The following NKAIN3 variants were observed in gnomAD, a reference collection of about 807,000 sequenced individuals.
The protein encoded by NKAIN3 is sodium/potassium-transporting ATPase subunit beta-1-interacting protein 3.
NKAIN3 carries 25 observed loss-of-function variants against 30.2 expected under a neutral mutation model. The ratio of observed to expected loss-of-function variants is 0.83; its 90% CI spans 0.60 to 1.16. The LOEUF is 1.16. Ranked by LOEUF, NKAIN3 falls within the 50% of genes most tolerant of loss-of-function variation. The pLI, the probability that NKAIN3 is intolerant of heterozygous loss-of-function variation, is 0.00. For missense variants in NKAIN3, 225 were observed against 254.1 expected, an observed-to-expected ratio of 0.89 and a Z score of 0.78; for synonymous variants, 91 against 89.6, an observed-to-expected ratio of 1.02 and a Z score of -0.09.
At chr8:62,542,640 T>C (rs146364195) in intron 1 of NKAIN3, among the ~76,000 whole-genome samples, 1 of 152,102 alleles carries the variant, frequency 6.6e-6, no homozygotes, top group East Asian at 1.9e-4. Flanking sequence ...AAAAAAAAAG[T>C]GACTAATTTG....
intron 4 of NKAIN3, among the ~76,000 whole-genome samples, chr8:62,845,965 T>C (rs1394246944): frequency 2.0e-5 from 3 of 152,180 alleles, no homozygotes; most frequent in East Asian, 1.9e-4. Flanking sequence ...TACACAGAAC[T>C]AACCAGAGAC....
rs1174130426 is a variant in NKAIN3, at chr8:62,870,658, G to GAT, written c.472-47787_472-47786dup. ...TATTTTATATATATATCTATATCTA[G>GAT]ATATATATAGATATCTATATATCTA... On this transcript the variant is annotated intron_variant, in intron 4 of 6. Transcript: ENST00000623646. Among the ~76,000 whole-genome samples, 7 of 92,730 alleles carry GAT rather than the reference G, an allele frequency of 7.5e-5. No individual in the cohort carries two copies. The South Asian group carries it at 1.7e-3, about 23-fold the overall frequency. The allele number at this position is 92,730 out of a possible 152,430, so 60.8% of individuals were successfully genotyped here. A position where few individuals can be genotyped will look rare whatever the true frequency, so the allele number is the denominator to read the frequency against.
chr8:62,380,336 C>A (rs190952135), intron 1 of NKAIN3, among the ~76,000 whole-genome samples: 141 of 152,296 alleles, frequency 9.3e-4, no homozygotes, highest in African/African-American at 3.1e-3. Context: ...TGCTATAAGT[C>A]TAGTTGTCTC....
chr8:62,813,316 T>G (rs1008479784), intron 4 of NKAIN3, among the ~76,000 whole-genome samples: 1 of 151,086 alleles, frequency 6.6e-6, no homozygotes, highest in African/African-American at 2.4e-5. Flanking sequence ...CAGGATTGTT[T>G]TAGCTGTTCA....
At chr8:62,307,383 T>A (rs114848953) in intron 1 of NKAIN3, among the ~76,000 whole-genome samples, 3,207 of 149,980 alleles carry the variant, frequency 0.021, 377 homozygotes, top group African/African-American at 0.075. Flanking sequence ...TCTCCTTCTC[T>A]TTATCCCCTC....
chr8:62,422,418 A>G (rs1211569373), intron 1 of NKAIN3, among the ~76,000 whole-genome samples: 1 of 152,162 alleles, frequency 6.6e-6, no homozygotes, highest in Non-Finnish European at 1.5e-5. Context: ...TGCCATGTAA[A>G]TAGTCTCTAA....
intron 1 of NKAIN3, among the ~76,000 whole-genome samples, chr8:62,462,922 G>C (rs1806041025): frequency 6.6e-6 from 1 of 152,114 alleles, no homozygotes; most frequent in Admixed American, 6.5e-5. Flanking sequence ...TTCATAGAAT[G>C]AGTGAACTTC....
chr8:62,742,187 G>T (rs1815925399), intron 3 of NKAIN3, among the ~76,000 whole-genome samples: 2 of 151,856 alleles, frequency 1.3e-5, no homozygotes, highest in South Asian at 4.2e-4. Context: ...TAAATAGGTG[G>T]CTTAGAATTC....
At chr8:62,372,534 G>T (rs1056365944) in intron 1 of NKAIN3, among the ~76,000 whole-genome samples, 1 of 151,828 alleles carries the variant, frequency 6.6e-6, no homozygotes, top group Non-Finnish European at 1.5e-5. Flanking sequence ...GTGGAGATTC[G>T]CATCATATAT....
At chr8:62,434,941 G>A (rs1490566799) in intron 1 of NKAIN3, among the ~76,000 whole-genome samples, 1 of 152,020 alleles carries the variant, frequency 6.6e-6, no homozygotes, top group South Asian at 2.1e-4. Context: ...AGAGCTTTGA[G>A]GCACATCAAT....
intron 1 of NKAIN3, among the ~76,000 whole-genome samples, chr8:62,345,484 TATATATACACACATATATAC>T (rs1815940265): frequency 3.6e-5 from 1 of 27,812 alleles, no homozygotes; most frequent in African/African-American, 1.1e-4. Context: ...CACATATATG[TATATATACACACATATATAC>T]ACATATATAC....
chr8:62,815,144 C>A (rs1355399790), intron 4 of NKAIN3, among the ~76,000 whole-genome samples: 3 of 152,068 alleles, frequency 2.0e-5, no homozygotes, highest in African/African-American at 7.2e-5. Context: ...TTCCTTGACA[C>A]ATACACCCTC....
At position 62,971,006 on chromosome 8, in the gene NKAIN3, G is replaced by A. The variant is rs898293047; in HGVS notation, c.*5599G>A. On this transcript the variant is annotated 3_prime_UTR_variant, in exon 7 of 7. Coordinates refer to ENST00000623646, the MANE Select transcript of NKAIN3 (RefSeq NM_001304533.3). ...AGAGGTCTATTTCTCTTTTTATTTC[G>A]AAATTCTGGAGACAGTCAGCAAAGA... Among the ~76,000 whole-genome samples, 5 of 152,074 alleles carry A rather than the reference G, an allele frequency of 3.3e-5. No homozygotes were observed. The highest frequency in any genetic ancestry group is 7.2e-5 in the African/African-American group (3 of 41,402).
At chr8:62,412,146 C>T (rs1310421641) in intron 1 of NKAIN3, among the ~76,000 whole-genome samples, 1 of 152,178 alleles carries the variant, frequency 6.6e-6, no homozygotes, top group Non-Finnish European at 1.5e-5. Context: ...CCAAAGGCAT[C>T]ACACTAACCA....
intron 2 of NKAIN3, among the ~76,000 whole-genome samples, chr8:62,581,655 A>T (rs1430535957): frequency 6.6e-6 from 1 of 152,140 alleles, no homozygotes. Flanking sequence ...AAGATCTAAG[A>T]ATATTCTTGC....
intron 4 of NKAIN3, among the ~76,000 whole-genome samples, chr8:62,882,071 C>A (rs1820999500): frequency 6.6e-6 from 1 of 152,056 alleles, no homozygotes; most frequent in South Asian, 2.1e-4. Flanking sequence ...GTATTCAGAT[C>A]TTTGGGCCAT....
chr8:62,733,361 A>G (rs1177296575), intron 3 of NKAIN3, among the ~76,000 whole-genome samples: 1 of 152,120 alleles, frequency 6.6e-6, no homozygotes. Flanking sequence ...TTGGTGGTAA[A>G]TAGTCTAGAT....
chr8:62,283,960 T>G (rs1467850026), intron 1 of NKAIN3, among the ~76,000 whole-genome samples: 1 of 152,178 alleles, frequency 6.6e-6, no homozygotes, highest in Non-Finnish European at 1.5e-5. Flanking sequence ...CACAAAAGCA[T>G]TAAAAATTAT....
chr8:62,271,156 G>C (rs191564333), intron 1 of NKAIN3, among the ~76,000 whole-genome samples: 50 of 152,276 alleles, frequency 3.3e-4, no homozygotes, highest in African/African-American at 1.1e-3. Flanking sequence ...ATAAATCTAA[G>C]TGGCTCTGCA....
Sources: gnomAD v4.1 joint callset for allele counts (sites outside exome capture counted in the v4.1 genomes callset) on GRCh38, gnomAD v4.1.1 for gene constraint, MANE v1.5 for transcripts, NCBI Gene and HGNC (gene_info 2026-07-23, HGNC 2026-07-21) for gene names.